Variants in PDE4B observed in about 807,000 individuals in gnomAD.
PDE4B encodes phosphodiesterase 4B.
PDE4B carries 20 observed loss-of-function variants against 82.2 expected under a neutral mutation model. The ratio of observed to expected loss-of-function variants is 0.24; its 90% CI spans 0.17 to 0.35. The LOEUF (loss-of-function observed/expected upper bound fraction) is 0.35. PDE4B is among the 10% of genes least tolerant of loss of function. The pLI is 1.00. For synonymous variants in PDE4B, 320 were observed against 318.9 expected, an observed-to-expected ratio of 1.00 and a Z score of -0.04; for missense variants, 655 against 907.2, an observed-to-expected ratio of 0.72 and a Z score of 3.57.
At chr1:66,344,098 A>G (rs765675252) in intron 8 of PDE4B, among the ~76,000 whole-genome samples, 27 of 152,198 alleles carry the variant, frequency 1.8e-4, no homozygotes, top group Non-Finnish European at 3.2e-4. Flanking sequence ...GTGCCCCCCA[A>G]TGCCTGTAGC....
At chr1:66,111,803 C>T (rs142556271) in intron 3 of PDE4B, among the ~76,000 whole-genome samples, 1 of 152,114 alleles carries the variant, frequency 6.6e-6, no homozygotes, top group East Asian at 1.9e-4. Context: ...AGGAGTCATA[C>T]TTCTTTAGAT....
chr1:66,213,582 T>C (rs1413599740), intron 3 of PDE4B, among the ~76,000 whole-genome samples: 2 of 152,208 alleles, frequency 1.3e-5, no homozygotes, highest in African/African-American at 4.8e-5. Flanking sequence ...TTTTTACTTT[T>C]AGGATTTCCT....
At chr1:66,217,368 T>C (rs1343806595) in intron 3 of PDE4B, among the ~76,000 whole-genome samples, 1 of 152,100 alleles carries the variant, frequency 6.6e-6, no homozygotes, top group Non-Finnish European at 1.5e-5. Flanking sequence ...TCACTACTGC[T>C]AGGCCTGAAG....
At chr1:66,041,976 A>G (rs916166715) in intron 3 of PDE4B, among the ~76,000 whole-genome samples, 1 of 151,830 alleles carries the variant, frequency 6.6e-6, no homozygotes, top group Non-Finnish European at 1.5e-5. Context: ...TGTTAAATAA[A>G]TGTTTTCAAA....
chr1:66,120,911 A>G (rs953814578), intron 3 of PDE4B, among the ~76,000 whole-genome samples: 1 of 152,216 alleles, frequency 6.6e-6, no homozygotes, highest in Non-Finnish European at 1.5e-5. Flanking sequence ...GTCATTTTAT[A>G]TGTCTCACAT....
rs976011931 is a variant in PDE4B at position 66,129,520 on chromosome 1, C to T, written c.282-117940C>T. Among the ~76,000 whole-genome samples, 24 of 150,878 alleles carry T rather than the reference C, an allele frequency of 1.6e-4. No homozygotes were observed. The East Asian group carries it at 3.3e-3, about 21-fold the overall frequency. On this transcript the variant is annotated intron_variant, in intron 3 of 16. Coordinates refer to ENST00000341517, the MANE Select transcript of PDE4B (RefSeq NM_002600.4). The stretch of plus-strand genomic sequence containing the variant: ...AAAATACAAAAAAAAATTAGCCGGG[C>T]GTAGTGGCGGGCGCCTGTAGTCCCA...
chr1:65,810,811 A>G (rs761131214), intron 1 of PDE4B, among the ~76,000 whole-genome samples: 2 of 152,218 alleles, frequency 1.3e-5, no homozygotes, highest in Non-Finnish European at 2.9e-5. Context: ...TCTTAAGTAC[A>G]TAAATGCCAT....
Position 66,223,681 on chromosome 1 carries a change from T to C in PDE4B, c.282-23779T>C, listed in dbSNP as rs1326779859. On this transcript the variant is annotated intron_variant, in intron 3 of 16. Coordinates refer to ENST00000341517, the MANE Select transcript of PDE4B (RefSeq NM_002600.4). ...CTACACTTGCAGTGTTCTTTTTTCA[T>C]TCCCCCCCAGCCCCACATTCAATGC... 2.0e-5 allele frequency among the ~76,000 whole-genome samples: 3 copies of C among 150,834 alleles called. No individual in the cohort carries two copies. In the East Asian group the frequency reaches 6.0e-4, roughly 30 times the overall value.
intron 3 of PDE4B, among the ~76,000 whole-genome samples, chr1:66,196,974 A>G (rs971979875): frequency 3.3e-5 from 5 of 152,166 alleles, no homozygotes; most frequent in African/African-American, 9.7e-5. Context: ...ATAAAAAATA[A>G]CAAAAAAGAA....
chr1:66,110,510 G>C (rs531388776), intron 3 of PDE4B, among the ~76,000 whole-genome samples: 2 of 152,162 alleles, frequency 1.3e-5, no homozygotes, highest in African/African-American at 4.8e-5. Context: ...TAGAGCACAG[G>C]TCCTGGCACA....
chr1:65,848,856 T>C (rs967840655), intron 1 of PDE4B, among the ~76,000 whole-genome samples: 14 of 152,176 alleles, frequency 9.2e-5, no homozygotes, highest in South Asian at 2.1e-4. Context: ...ATTTGTGTAA[T>C]AGTCTTATTG....
At chr1:65,813,491 C>G (rs1232569633) in intron 1 of PDE4B, among the ~76,000 whole-genome samples, 1 of 152,098 alleles carries the variant, frequency 6.6e-6, no homozygotes, top group Admixed American at 6.5e-5. Context: ...CTGGAACTCT[C>G]AGGAAAAAGC....
At chr1:65,833,862 A>T (rs1377835394) in intron 1 of PDE4B, among the ~76,000 whole-genome samples, 4 of 152,238 alleles carry the variant, frequency 2.6e-5, no homozygotes, top group Non-Finnish European at 4.4e-5. Context: ...ATTAAATTAT[A>T]TCAAAAACTA....
intron 3 of PDE4B, among the ~76,000 whole-genome samples, chr1:65,923,797 C>G (rs2100493521): frequency 6.6e-6 from 1 of 152,132 alleles, no homozygotes; most frequent in East Asian, 1.9e-4. Flanking sequence ...CTTTGATGTG[C>G]CTAAGGATGG....
chr1:65,822,975 C>A lies in PDE4B; in HGVS notation c.-71+29727C>A, dbSNP rs182777662. On this transcript the variant is annotated intron_variant, in intron 1 of 16. Coordinates refer to ENST00000341517, the MANE Select transcript of PDE4B (RefSeq NM_002600.4). ...AGACGTTGTAAAGTGGTATCGCATA[C>A]TGATTTTAATTTCCATTTTCCTGAT... 4.6e-5 allele frequency among the ~76,000 whole-genome samples: 7 copies of A among 152,244 alleles called. No individual in the cohort carries two copies. In the East Asian group the frequency reaches 1.4e-3, roughly 29 times the overall value.
intron 7 of PDE4B, among the ~76,000 whole-genome samples, chr1:66,309,045 A>G (rs377097429): frequency 6.6e-6 from 1 of 152,304 alleles, no homozygotes; most frequent in East Asian, 1.9e-4. Context: ...GACATTTTGA[A>G]ACAAACAAAC....
intron 7 of PDE4B, among the ~76,000 whole-genome samples, chr1:66,295,631 G>T (rs1657456419): frequency 6.6e-6 from 1 of 152,120 alleles, no homozygotes; most frequent in Admixed American, 6.6e-5. Context: ...GTTTCACCAT[G>T]TTGGCCAGGC....
chr1:66,184,292 C>T (rs1370844121), intron 3 of PDE4B, among the ~76,000 whole-genome samples: 1 of 152,016 alleles, frequency 6.6e-6, no homozygotes. Flanking sequence ...CATATAAATC[C>T]AGGGTAGGGA....
At chr1:65,812,599 C>T (rs1645832963) in intron 1 of PDE4B, among the ~76,000 whole-genome samples, 1 of 152,108 alleles carries the variant, frequency 6.6e-6, no homozygotes, top group African/African-American at 2.4e-5. Context: ...AAATGCCTCT[C>T]AATTATTTTT....
Sources: allele counts gnomAD v4.1 joint callset (sites outside exome capture counted in the v4.1 genomes callset), GRCh38; gene constraint gnomAD v4.1.1; transcripts MANE v1.5; gene names NCBI Gene and HGNC (gene_info 2026-07-23, HGNC 2026-07-21).